TBC1D20: variants seen among roughly 807,000 people sequenced by gnomAD.
TBC1D20 encodes chromosome 20 open reading frame 140.
In TBC1D20, 12 loss-of-function variants were observed where a neutral mutation model predicts 41.6. That is an observed-to-expected ratio of 0.29 (90% CI 0.18 to 0.47). TBC1D20 has a LOEUF of 0.47. Among genes scored for constraint, TBC1D20 ranks in the 20% least tolerant of loss-of-function variants. The probability of loss-of-function intolerance (pLI) is 1.00; values close to 1 mark genes in which losing one functional copy is unlikely to be tolerated. For missense variants in TBC1D20, 421 were observed against 517.4 expected (o/e 0.81, Z 1.81); for synonymous variants, 205 against 204.8 (o/e 1.00, Z -0.01).
In TBC1D20 at chr20:438,738, G is replaced by T. The variant is rs199505430; in HGVS notation, c.1060C>A (p.Arg354=). The change falls in exon 8 of 8, where the codon CGA becomes AGA. Residue 354 remains arginine (R), a synonymous_variant. Coordinates refer to ENST00000354200, the MANE Select transcript of TBC1D20 (RefSeq NM_144628.4). ...RFRGLLRPED[R]TKDVLTKPRT... ...GGCTTGGTCAGGACATCTTTTGTTC[G>T]ATCTTCAGGCCGCAGAAGTCCCCGA... 1.2e-6 allele frequency: 2 copies of T among 1,614,160 alleles called. No homozygotes were observed. Among genetic ancestry groups the T allele is most frequent in the East Asian group, 2.2e-5 (1 of 44,878 alleles).
At chr20:445,268 C>T (rs1041093873) in intron 2 of TBC1D20, 138 bp from the exon 3 acceptor site, 1 of 658,170 alleles carries the variant, frequency 1.5e-6, no homozygotes, top group African/African-American at 1.8e-5. Context: ...CAAGATACAA[C>T]ATTTGGCAGG....
In TBC1D20 at chr20:462,414, G is replaced by A. The variant is rs1443259759; in HGVS notation, c.-9C>T. On this transcript the variant is annotated 5_prime_UTR_variant, in exon 1 of 8. Coordinates refer to ENST00000354200, the MANE Select transcript of TBC1D20 (RefSeq NM_144628.4). ...GCACTCCGGAGGGCCATGCCCCGGG[G>A]CCCCGGGCCCCCACCCGAGCCCCGG... 11 of 1,220,192 alleles carry A rather than the reference G, an allele frequency of 9.0e-6. No homozygotes were observed. Among genetic ancestry groups the A allele is most frequent in the East Asian group, 3.8e-5 (1 of 26,110 alleles). 75.6% of individuals were successfully genotyped at this position (1,220,192 alleles called of 1,614,324 possible).
At chr20:462,217 A>T (rs1390990631) in intron 1 of TBC1D20, 119 bp downstream of exon 1, 3 of 549,176 alleles carry the variant, frequency 5.5e-6, no homozygotes, top group Non-Finnish European at 7.2e-6. Flanking sequence ...CGCCGCCCGG[A>T]ACCCCGCAGC....
At chr20:441,508 C>T (rs986325117) in intron 5 of TBC1D20, 80 bp downstream of exon 5, 25 of 1,258,912 alleles carry the variant, frequency 2.0e-5, no homozygotes, top group South Asian at 1.3e-4. Flanking sequence ...AAACTGCGCT[C>T]GGCTTGTGAG....
intron 3 of TBC1D20, among the ~76,000 whole-genome samples, 167 bp downstream of exon 3, chr20:444,883 C>T (rs2017302300): frequency 6.6e-6 from 1 of 152,142 alleles, no homozygotes; most frequent in Non-Finnish European, 1.5e-5. Context: ...TTGGTTCAGG[C>T]TTTCACAGTG....
At chr20:453,690 C>T (rs1357037834) in intron 1 of TBC1D20, among the ~76,000 whole-genome samples, 1 of 145,258 alleles carries the variant, frequency 6.9e-6, no homozygotes, top group East Asian at 2.1e-4. Flanking sequence ...GGATTACGGG[C>T]ACGTGCCACC....
chr20:438,565 G>A lies in TBC1D20; in HGVS notation c.*21C>T. 1 of 1,612,028 alleles carries A rather than the reference G, an allele frequency of 6.2e-7. No homozygotes were observed. The highest frequency in any genetic ancestry group is 8.5e-7 in the Non-Finnish European group (1 of 1,178,388). On this transcript the variant is annotated 3_prime_UTR_variant, in exon 8 of 8. Coordinates refer to ENST00000354200, the MANE Select transcript of TBC1D20 (RefSeq NM_144628.4). ...AGGGTGAGACCTTAATGTGATGTAA[G>A]AGGAAGGTCTTCTCTGGCTTTCAGG...
chr20:453,576 C>T (rs1363032561), intron 1 of TBC1D20, among the ~76,000 whole-genome samples: 2 of 111,336 alleles, frequency 1.8e-5, no homozygotes, highest in South Asian at 3.3e-4. Flanking sequence ...GACGGAGTCT[C>T]GCCCTATTGC....
rs981759643 is a variant in TBC1D20, at chr20:462,479, G to A, written c.-74C>T. 1 of 922,440 alleles carries A rather than the reference G, an allele frequency of 1.1e-6. No individual in the cohort carries two copies. Among genetic ancestry groups the A allele is most frequent in the Non-Finnish European group, 1.4e-6 (1 of 719,754 alleles). 57.1% of individuals were successfully genotyped at this position (922,440 alleles called of 1,614,324 possible). The stretch of plus-strand genomic sequence containing the variant: ...GGGAGAAGACGCGGCTCCGACCGCG[G>A]GACGTAGCACCCGCTCGGCATCGGC... On this transcript the variant is annotated 5_prime_UTR_variant, in exon 1 of 8. Transcript: ENST00000354200.
chr20:453,422 C>T (rs1193016736), intron 1 of TBC1D20, among the ~76,000 whole-genome samples: 1 of 143,022 alleles, frequency 7.0e-6, no homozygotes, highest in Non-Finnish European at 1.5e-5. Context: ...TGCAGTGAGC[C>T]GAGATCATGC....
intron 3 of TBC1D20, among the ~76,000 whole-genome samples, chr20:442,659 G>C (rs1320864918): frequency 2.6e-5 from 4 of 152,214 alleles, no homozygotes; most frequent in African/African-American, 9.7e-5. Context: ...AGTGTACTGT[G>C]ATTACATGAG....
rs202218258 is a variant in TBC1D20 at position 438,858 on chromosome 20, C to T, written c.957-17G>A. ...GCTGCCGTCCTGCAGGGGAAAGAGACGGAAGGAAGGAAGTGGTATGAAAGA... is the reference window on the plus strand; with the variant it reads ...GCTGCCGTCCTGCAGGGGAAAGAGATGGAAGGAAGGAAGTGGTATGAAAGA... On this transcript the variant is annotated splice_polypyrimidine_tract_variant and intron_variant, in intron 7 of 7. Transcript: ENST00000354200. 1.2e-4 allele frequency: 200 copies of T among 1,609,748 alleles called. 1 individual carries two copies. The highest frequency in any genetic ancestry group is 5.7e-4 in the Admixed American group (34 of 59,796).
rs749905511 is a variant in TBC1D20, at chr20:441,603, T to C, written c.611A>G (p.His204Arg). 7 of 1,614,150 alleles carry C rather than the reference T, an allele frequency of 4.3e-6. No homozygotes were observed. The highest frequency in any genetic ancestry group is 5.9e-6 in the Non-Finnish European group (7 of 1,179,998). ...ACATATGTACCTCTGCATGAAGTCATGGAGCTCTGGATTCACCTGGTCAAT... is the reference window on the plus strand; with the variant it reads ...ACATATGTACCTCTGCATGAAGTCACGGAGCTCTGGATTCACCTGGTCAAT... ...PIIDQVNPEL[H>R]DFMQSAEVGT... The change falls in exon 5 of 8, where the codon CAT (histidine) becomes CGT (arginine). Residue 204 changes from histidine (H) to arginine (R), a missense_variant. Around this residue, in one of 3 missense-constraint regions of TBC1D20, gnomAD observed 110 missense variants for 183.5 expected, o/e 0.60. Coordinates refer to ENST00000354200, the MANE Select transcript of TBC1D20 (RefSeq NM_144628.4).
intron 3 of TBC1D20, among the ~76,000 whole-genome samples, chr20:443,798 T>C (rs1048188150): frequency 6.6e-6 from 1 of 152,042 alleles, no homozygotes. Flanking sequence ...ATTACATCAA[T>C]GGAAGAGGAA....
At chr20:455,803 G>T (rs1404226551) in intron 1 of TBC1D20, among the ~76,000 whole-genome samples, 2 of 150,380 alleles carry the variant, frequency 1.3e-5, no homozygotes, top group Non-Finnish European at 3.0e-5. Context: ...GTGGTGGCAG[G>T]TGCCTGTAAT....
In TBC1D20 at chr20:436,825, AGTGGTGGCTGGGC is replaced by A. The variant is rs1310628183; in HGVS notation, c.*1748_*1760del. The A allele has an allele frequency of 6.5e-6, 1 of 153,786 alleles. No individual in the cohort carries two copies. Among genetic ancestry groups the A allele is most frequent in the East Asian group, 1.9e-4 (1 of 5,194 alleles). 9.5% of individuals were successfully genotyped at this position (153,786 alleles called of 1,614,324 possible). A position where few individuals can be genotyped will look rare whatever the true frequency, so the allele number is the denominator to read the frequency against. On this transcript the variant is annotated 3_prime_UTR_variant, in exon 8 of 8. Coordinates refer to ENST00000354200, the MANE Select transcript of TBC1D20 (RefSeq NM_144628.4). Reference sequence around the variant, plus strand: ...AGCTTTTTTTGGTTTTAAAGTGCGTAGTGGTGGCTGGGCGTGGTGGCTCACACCTGTAATCCCA... The same window carrying A: ...AGCTTTTTTTGGTTTTAAAGTGCGTAGTGGTGGCTCACACCTGTAATCCCA...
At chr20:442,103 C>A in intron 3 of TBC1D20, 60 bp from the exon 4 acceptor site, 2 of 1,391,732 alleles carry the variant, frequency 1.4e-6, no homozygotes, top group South Asian at 3.1e-5. Flanking sequence ...ACAAGGAGGT[C>A]GAAGAAGGCC....
chr20:442,620 A>ATTT (rs937718683), intron 3 of TBC1D20, among the ~76,000 whole-genome samples: 2 of 152,134 alleles, frequency 1.3e-5, no homozygotes, highest in African/African-American at 4.8e-5. Flanking sequence ...TTAGTTAACT[A>ATTT]TTTTTCAGTG....
chr20:459,732 G>T (rs143106271), intron 1 of TBC1D20, among the ~76,000 whole-genome samples: 12 of 152,246 alleles, frequency 7.9e-5, no homozygotes, highest in African/African-American at 2.9e-4. Flanking sequence ...CTGCAACAGG[G>T]TTTTGTAGTC....
Sources: gnomAD v4.1 joint callset for allele counts (sites outside exome capture counted in the v4.1 genomes callset) on GRCh38, gnomAD v4.1.1 for gene constraint, gnomAD v4.1.1 regional missense constraint, MANE v1.5 for transcripts, NCBI Gene and HGNC (gene_info 2026-07-23, HGNC 2026-07-21) for gene names.